The following ROS1 variants were observed in gnomAD, a reference collection of about 807,000 sequenced individuals.
ROS1 encodes the protein ROS proto-oncogene 1, receptor tyrosine kinase.
ROS1 carries 263 observed loss-of-function variants against 273.5 expected under a neutral mutation model. That is an observed-to-expected ratio of 0.96 (90% confidence interval 0.87 to 1.06). ROS1 has a LOEUF of 1.06. Among genes scored for constraint, ROS1 ranks in the 50% least tolerant of loss-of-function variants. ROS1 has a pLI of 0.00. For missense variants in ROS1, 2,833 were observed against 2,751.1 expected, an observed-to-expected ratio of 1.03 and a Z score of -0.67; for synonymous variants, 1,008 against 954.1, an observed-to-expected ratio of 1.06 and a Z score of -1.04.
chr6:117,335,905 G>A (rs898037731), intron 32 of ROS1, among the ~76,000 whole-genome samples: 9 of 151,846 alleles, frequency 5.9e-5, no homozygotes, highest in African/African-American at 9.7e-5. Flanking sequence ...CATGGCACAT[G>A]TATACCTATG....
intron 11 of ROS1, 23 bp from the exon 12 acceptor site, chr6:117,393,344 G>T (rs375723371): frequency 2.2e-6 from 3 of 1,383,244 alleles, no homozygotes; most frequent in South Asian, 1.2e-5. Context: ...AAAATATACC[G>T]GTAGGATTAG....
chr6:117,305,944 A>G (rs1270384108), intron 42 of ROS1, among the ~76,000 whole-genome samples: 1 of 151,024 alleles, frequency 6.6e-6, no homozygotes, highest in African/African-American at 2.4e-5. Flanking sequence ...AAAAATACTC[A>G]TTATACTTGA....
rs543379688 is a variant in ROS1 at position 117,343,473 on chromosome 6, A to G, written c.4506+587T>C. The stretch of plus-strand genomic sequence containing the variant: ...CTAATGAATACATTTCATCATTTCA[A>G]TGATTGAATGAATAGTGCCAATTCA... On this transcript the variant is annotated intron_variant, in intron 28 of 43. Coordinates refer to ENST00000368507, the MANE Select transcript of ROS1 (RefSeq NM_001378902.1). 4.3e-4 allele frequency among the ~76,000 whole-genome samples: 66 copies of G among 152,316 alleles called. 1 individual carries two copies. Among genetic ancestry groups the G allele is most frequent in the Non-Finnish European group, 7.9e-4 (54 of 68,024 alleles).
chr6:117,357,967 T>C lies in ROS1; in HGVS notation c.3676A>G (p.Ile1226Val), dbSNP rs1779470889. 3.7e-6 allele frequency: 6 copies of C among 1,613,702 alleles called. No individual in the cohort carries two copies. Among genetic ancestry groups the C allele is most frequent in the Non-Finnish European group, 5.1e-6 (6 of 1,179,786 alleles). The change falls in exon 25 of 44, where the codon ATT becomes GTT. Residue 1226 changes from isoleucine (I) to valine (V), a missense_variant. By Grantham distance (29) the Ile-to-Val change is conservative. Coordinates refer to ENST00000368507, the MANE Select transcript of ROS1 (RefSeq NM_001378902.1). ...TAGAGGTGCCTTGAAATCCAGTCAA[T>C]TGTAATAACTGTGATATCAAAAACC... ...SLVFDITVIT[I>V]DWISRHLYFA... is the part of the protein sequence containing the mutation.
chr6:117,359,103 T>C (rs1779566887), intron 24 of ROS1, among the ~76,000 whole-genome samples: 1 of 152,146 alleles, frequency 6.6e-6, no homozygotes, highest in South Asian at 2.1e-4. Context: ...CCAAACACTC[T>C]ATGGCTCTTT....
intron 27 of ROS1, among the ~76,000 whole-genome samples, chr6:117,346,848 G>C (rs970063944): frequency 3.3e-5 from 5 of 152,094 alleles, no homozygotes; most frequent in African/African-American, 1.2e-4. Flanking sequence ...CACCATTATA[G>C]TATCACATAG....
chr6:117,381,761 C>A (rs553069922), intron 17 of ROS1, among the ~76,000 whole-genome samples: 10 of 152,222 alleles, frequency 6.6e-5, no homozygotes, highest in Admixed American at 1.3e-4. Context: ...GGGAGATACC[C>A]AGTAGTGGGA....
At position 117,383,488 on chromosome 6, in the gene ROS1, C is replaced by T; in HGVS notation, c.2310G>A (p.Leu770=). ...GGGTAACAATGTCTGTGTGTCCCGT[C>T]AACACAGACTGCCTTTGTATCTAAA... ...KTYVIQRQSV[L]TGHTDIVTHV... is the part of the protein sequence containing the mutation. Residue 770 remains leucine (L), a synonymous_variant, in exon 17 of 44, where the codon TTG becomes TTA. Coordinates refer to ENST00000368507, the MANE Select transcript of ROS1 (RefSeq NM_001378902.1). 1.2e-6 allele frequency: 2 copies of T among 1,613,790 alleles called. No individual in the cohort carries two copies. The highest frequency in any genetic ancestry group is 1.7e-6 in the Non-Finnish European group (2 of 1,179,690).
rs1396897004 is a variant in ROS1, at chr6:117,353,151, C to T, written c.4142G>A (p.Ser1381Asn). The change falls in exon 27 of 44, where the codon AGC becomes AAC. Residue 1381 changes from serine (S) to asparagine (N), a missense_variant. Physicochemically the swap from Ser to Asn is conservative, Grantham distance 46. Coordinates refer to ENST00000368507, the MANE Select transcript of ROS1 (RefSeq NM_001378902.1). ...TATAAGATCTCCATCCACAGTTAAGCTAACAAGGGTTTTTCCTGCTGTTAA... is the reference window on the plus strand; with the variant it reads ...TATAAGATCTCCATCCACAGTTAAGTTAACAAGGGTTTTTCCTGCTGTTAA... Reference protein sequence around the residue: ...VPAMLGKTLVSLTVDGDLIYW... With the variant: ...VPAMLGKTLVNLTVDGDLIYW... 6.2e-7 allele frequency: 1 copy of T among 1,607,106 alleles called. No individual in the cohort carries two copies. The highest frequency in any genetic ancestry group is 1.3e-5 in the African/African-American group (1 of 74,684).
At chr6:117,387,513 TC>T (rs1427482196) in intron 14 of ROS1, among the ~76,000 whole-genome samples, 2 of 152,194 alleles carry the variant, frequency 1.3e-5, no homozygotes, top group Non-Finnish European at 2.9e-5. Flanking sequence ...CCGTAAAGAA[TC>T]AATTATAGTG....
intron 12 of ROS1, among the ~76,000 whole-genome samples, chr6:117,392,148 ACAGTAAGATC>A (rs1773118800): frequency 6.6e-6 from 1 of 152,214 alleles, no homozygotes; most frequent in African/African-American, 2.4e-5. Context: ...ACACATGAAA[ACAGTAAGATC>A]CAGAGAATCC....
At chr6:117,354,631 C>T (rs1432966206) in intron 26 of ROS1, among the ~76,000 whole-genome samples, 1 of 152,126 alleles carries the variant, frequency 6.6e-6, no homozygotes, top group East Asian at 1.9e-4. Flanking sequence ...TTTCTTGCAA[C>T]ATCATAACAT....
intron 16 of ROS1, among the ~76,000 whole-genome samples, chr6:117,385,358 C>T (rs1562345168): frequency 1.3e-5 from 2 of 152,078 alleles, no homozygotes; most frequent in Non-Finnish European, 2.9e-5. Context: ...AGTTCGAGAC[C>T]AGCCTGGCCA....
chr6:117,378,869 C>A (rs1290595839), intron 18 of ROS1, among the ~76,000 whole-genome samples, 190 bp downstream of exon 18: 1 of 152,182 alleles, frequency 6.6e-6, no homozygotes, highest in Non-Finnish European at 1.5e-5. Flanking sequence ...CTTCATACCC[C>A]ATCACAGCAC....
At chr6:117,339,983 G>T (rs1164712632) in intron 31 of ROS1, among the ~76,000 whole-genome samples, 1 of 152,220 alleles carries the variant, frequency 6.6e-6, no homozygotes, top group East Asian at 1.9e-4. Context: ...AGAGGCTAGG[G>T]TGTCAATTAT....
intron 31 of ROS1, among the ~76,000 whole-genome samples, chr6:117,338,418 C>T (rs1004236982): frequency 1.3e-5 from 2 of 151,792 alleles, no homozygotes; most frequent in Non-Finnish European, 2.9e-5. Context: ...ACATTGCCTG[C>T]ACTAAACTCA....
chr6:117,412,591 CATAG>C (rs1276840577), intron 4 of ROS1, among the ~76,000 whole-genome samples: 4 of 126,250 alleles, frequency 3.2e-5, no homozygotes, highest in South Asian at 2.9e-4. Context: ...TAGATAGGTA[CATAG>C]ATAGATAGAC....
At chr6:117,384,099 T>G (rs1488962379) in intron 16 of ROS1, among the ~76,000 whole-genome samples, 1 of 152,224 alleles carries the variant, frequency 6.6e-6, no homozygotes, top group Non-Finnish European at 1.5e-5. Context: ...GAGAAAATAC[T>G]TAAAACTGGT....
chr6:117,420,926 G>C (rs2128749045), intron 1 of ROS1, among the ~76,000 whole-genome samples: 1 of 151,416 alleles, frequency 6.6e-6, no homozygotes, highest in South Asian at 2.1e-4. Context: ...ATAAATTAGA[G>C]GTATATTTTC....
Sources: gnomAD v4.1 joint callset for allele counts (sites outside exome capture counted in the v4.1 genomes callset) on GRCh38, gnomAD v4.1.1 for gene constraint, MANE v1.5 for transcripts, NCBI Gene and HGNC (gene_info 2026-07-23, HGNC 2026-07-21) for gene names.